Variants in ZNF407 observed in about 807,000 individuals in gnomAD.
The protein encoded by ZNF407 is zinc finger protein 407.
ZNF407 carries 17 observed loss-of-function variants against 131.2 expected under a neutral mutation model. The ratio of observed to expected loss-of-function variants is 0.13; its 90% CI spans 0.09 to 0.19. ZNF407 has a LOEUF of 0.19. ZNF407 is among the 10% of genes least tolerant of loss of function. The pLI, the probability that ZNF407 is intolerant of heterozygous loss-of-function variation, is 1.00. For synonymous variants in ZNF407, 1,156 were observed against 1,062.0 expected (o/e 1.09, Z -1.72); for missense variants, 2,681 against 2,830.6 (o/e 0.95, Z 1.20).
chr18:75,037,001 A>C (rs1240252951), intron 8 of ZNF407, among the ~76,000 whole-genome samples: 3 of 152,226 alleles, frequency 2.0e-5, no homozygotes, highest in Non-Finnish European at 4.4e-5. Flanking sequence ...GGCATCAATC[A>C]GTCCATCTGG....
chr18:74,868,954 G>A (rs1971050711), intron 4 of ZNF407, among the ~76,000 whole-genome samples: 1 of 152,152 alleles, frequency 6.6e-6, no homozygotes, highest in African/African-American at 2.4e-5. Context: ...ATGGATCATT[G>A]CTAGACACAC....
At chr18:74,618,673 C>T (rs1274807349) in intron 1 of ZNF407, among the ~76,000 whole-genome samples, 1 of 152,158 alleles carries the variant, frequency 6.6e-6, no homozygotes, top group Admixed American at 6.5e-5. Flanking sequence ...TCAGTCACCT[C>T]TTCCCCGCAA....
At chr18:74,767,142 C>A (rs1445144635) in intron 3 of ZNF407, among the ~76,000 whole-genome samples, 1 of 152,146 alleles carries the variant, frequency 6.6e-6, no homozygotes, top group Non-Finnish European at 1.5e-5. Flanking sequence ...GATCTCCTGA[C>A]CTCAGGTGAT....
At chr18:75,023,742 T>C (rs1973139339) in intron 8 of ZNF407, among the ~76,000 whole-genome samples, 1 of 152,214 alleles carries the variant, frequency 6.6e-6, no homozygotes, top group African/African-American at 2.4e-5. Flanking sequence ...ATGCAAGTAT[T>C]GGTGGTATAG....
rs930854883 is a variant in ZNF407, at chr18:75,032,099, C to T, written c.5429-31051C>T. ...GAGACCAGCGGAATCACACTCTAAA[C>T]GCCTGGACCCGAGAGCTCCCCCCAC... On this transcript the variant is annotated intron_variant, in intron 8 of 8. Transcript: ENST00000299687. 4.6e-5 allele frequency among the ~76,000 whole-genome samples: 7 copies of T among 152,296 alleles called. No individual in the cohort carries two copies. The South Asian group carries it at 1.0e-3, about 23-fold the overall frequency.
chr18:74,612,967 T>A (rs959912551), intron 1 of ZNF407, among the ~76,000 whole-genome samples: 2 of 152,242 alleles, frequency 1.3e-5, no homozygotes, highest in Non-Finnish European at 2.9e-5. Flanking sequence ...CGTCCTTTTT[T>A]AAAAATCTTA....
intron 4 of ZNF407, among the ~76,000 whole-genome samples, chr18:74,829,320 G>T (rs2145115073): frequency 1.3e-5 from 2 of 152,270 alleles, no homozygotes; most frequent in South Asian, 4.1e-4. Flanking sequence ...TCAGTAAATG[G>T]TTAGTACTGT....
chr18:74,996,116 G>T, intron 8 of ZNF407, among the ~76,000 whole-genome samples: 1 of 152,156 alleles, frequency 6.6e-6, no homozygotes. Context: ...AAATTGAATA[G>T]TAGGATTTTA....
At chr18:74,982,903 C>A in intron 8 of ZNF407, among the ~76,000 whole-genome samples, 1 of 152,150 alleles carries the variant, frequency 6.6e-6, no homozygotes, top group East Asian at 1.9e-4. Flanking sequence ...AACTCATCAA[C>A]CCTGTTCATT....
chr18:74,918,754 T>C (rs954805670), intron 7 of ZNF407, among the ~76,000 whole-genome samples: 3 of 152,100 alleles, frequency 2.0e-5, no homozygotes, highest in African/African-American at 7.2e-5. Context: ...TTTTAAAATA[T>C]ATATATTTAA....
intron 4 of ZNF407, among the ~76,000 whole-genome samples, chr18:74,810,678 A>G (rs1970180858): frequency 6.6e-6 from 1 of 151,976 alleles, no homozygotes; most frequent in Non-Finnish European, 1.5e-5. Context: ...TTAGTTTTTA[A>G]ATTTCAGAAA....
chr18:74,751,697 T>C (rs955091086), intron 3 of ZNF407, among the ~76,000 whole-genome samples: 3 of 152,202 alleles, frequency 2.0e-5, no homozygotes, highest in Non-Finnish European at 4.4e-5. Context: ...ACAAAGGACA[T>C]GAACTCATCC....
intron 4 of ZNF407, among the ~76,000 whole-genome samples, chr18:74,794,940 TA>T (rs1195368729): frequency 6.6e-6 from 1 of 152,146 alleles, no homozygotes; most frequent in East Asian, 1.9e-4. Flanking sequence ...AGAGAATGTA[TA>T]AAAAATAGAT....
intron 3 of ZNF407, among the ~76,000 whole-genome samples, chr18:74,642,633 A>C (rs1415767642): frequency 6.6e-6 from 1 of 152,178 alleles, no homozygotes; most frequent in Non-Finnish European, 1.5e-5. Context: ...TACACAATTG[A>C]TCGGCATTAG....
At chr18:74,965,834 T>C (rs2145297508) in intron 8 of ZNF407, among the ~76,000 whole-genome samples, 1 of 152,346 alleles carries the variant, frequency 6.6e-6, no homozygotes, top group African/African-American at 2.4e-5. Flanking sequence ...TGCTTGCCTT[T>C]TGAATATAAG....
chr18:74,967,887 C>G (rs931741847), intron 8 of ZNF407, among the ~76,000 whole-genome samples: 3 of 152,180 alleles, frequency 2.0e-5, no homozygotes, highest in African/African-American at 7.2e-5. Flanking sequence ...TACTGCAGAC[C>G]TTTGAGCTCC....
intron 4 of ZNF407, among the ~76,000 whole-genome samples, chr18:74,863,582 A>G (rs531479672): frequency 1.3e-5 from 2 of 152,092 alleles, no homozygotes; most frequent in Non-Finnish European, 2.9e-5. Flanking sequence ...ACTAGTTGCT[A>G]GTCTAGATTT....
rs757287062 is a variant in ZNF407 at position 75,048,597 on chromosome 18, T to G, written c.5429-14553T>G. Among the ~76,000 whole-genome samples, 5 of 152,128 alleles carry G rather than the reference T, an allele frequency of 3.3e-5. No individual in the cohort carries two copies. Among genetic ancestry groups the G allele is most frequent in the South Asian group, 4.1e-4 (2 of 4,826 alleles). Reference sequence around the variant, plus strand: ...CAGTAATAACTGACAGGACTCTAACTCTCAGCTCGATGTGAAAACAAGAGA... The same window carrying G: ...CAGTAATAACTGACAGGACTCTAACGCTCAGCTCGATGTGAAAACAAGAGA... On this transcript the variant is annotated intron_variant, in intron 8 of 8. Transcript: ENST00000299687. The surrounding 1 kb of genome is among the most constrained non-coding windows in gnomAD (Gnocchi z 4.1).
In ZNF407 at chr18:74,716,905, T is replaced by A. The variant is rs147443668; in HGVS notation, c.4803-64523T>A. Reference sequence around the variant, plus strand: ...GTTACTGCCTACTTAATGCTTTCTGTTAAATGGCCTTATACACGTTCCAAC... The same window carrying A: ...GTTACTGCCTACTTAATGCTTTCTGATAAATGGCCTTATACACGTTCCAAC... On this transcript the variant is annotated intron_variant, in intron 3 of 8. Transcript: ENST00000299687. Among the ~76,000 whole-genome samples, 70 of 152,348 alleles carry A rather than the reference T, an allele frequency of 4.6e-4. No individual in the cohort carries two copies. The East Asian group carries it at 0.012, about 26-fold the overall frequency.
Sources: gnomAD v4.1 joint callset for allele counts (sites outside exome capture counted in the v4.1 genomes callset) on GRCh38, gnomAD v4.1.1 for gene constraint, Gnocchi (gnomAD v3.1) non-coding constraint, MANE v1.5 for transcripts, NCBI Gene and HGNC (gene_info 2026-07-23, HGNC 2026-07-21) for gene names.